KCNIP4: variants seen among roughly 807,000 people sequenced by gnomAD.
KCNIP4 encodes potassium voltage-gated channel interacting protein 4.
In KCNIP4, 12 loss-of-function variants were observed where a neutral mutation model predicts 34.0. The ratio of observed to expected loss-of-function variants is 0.35; its 90% CI spans 0.23 to 0.57. KCNIP4 has a LOEUF of 0.57. Among genes scored for constraint, KCNIP4 ranks in the 20% least tolerant of loss-of-function variants. The pLI, the probability that KCNIP4 is intolerant of heterozygous loss-of-function variation, is 0.83. For synonymous variants in KCNIP4, 124 were observed against 102.2 expected, an observed-to-expected ratio of 1.21 and a Z score of -1.29; for missense variants, 238 against 311.7, an observed-to-expected ratio of 0.76 and a Z score of 1.78.
intron 1 of KCNIP4, among the ~76,000 whole-genome samples, chr4:20,972,250 C>T (rs1735030538): frequency 2.0e-5 from 3 of 152,144 alleles, no homozygotes; most frequent in Admixed American, 1.3e-4. Flanking sequence ...TTCTTAATGG[C>T]ATACAGAATG....
chr4:20,871,842 A>G (rs1227540181), intron 2 of KCNIP4, among the ~76,000 whole-genome samples: 1 of 152,122 alleles, frequency 6.6e-6, no homozygotes, highest in Non-Finnish European at 1.5e-5. Context: ...TGATGTCACC[A>G]AGATGTGGCA....
intron 1 of KCNIP4, among the ~76,000 whole-genome samples, chr4:21,730,865 C>A (rs1216394577): frequency 6.6e-6 from 1 of 152,114 alleles, no homozygotes; most frequent in Non-Finnish European, 1.5e-5. Flanking sequence ...GTAATTCCAG[C>A]ACTTCGGGAG....
intron 1 of KCNIP4, among the ~76,000 whole-genome samples, chr4:21,049,780 C>T (rs979656758): frequency 6.6e-6 from 1 of 152,194 alleles, no homozygotes; most frequent in Admixed American, 6.5e-5. Context: ...ACACTCTTTA[C>T]CTTCCACTCC....
chr4:20,951,878 CTTTCT>C (rs893503824), intron 1 of KCNIP4, among the ~76,000 whole-genome samples: 7 of 152,120 alleles, frequency 4.6e-5, no homozygotes, highest in African/African-American at 1.4e-4. Context: ...GGCTGGCTTC[CTTTCT>C]TTTCTTTTCT....
At chr4:21,355,708 G>A (rs181623516) in intron 1 of KCNIP4, among the ~76,000 whole-genome samples, 26 of 152,178 alleles carry the variant, frequency 1.7e-4, no homozygotes, top group East Asian at 7.7e-4. Context: ...ATTCACAGCC[G>A]AAATCTACCA....
At chr4:21,316,892 A>C (rs1025021797) in intron 1 of KCNIP4, among the ~76,000 whole-genome samples, 4 of 152,198 alleles carry the variant, frequency 2.6e-5, no homozygotes, top group African/African-American at 9.7e-5. Flanking sequence ...TGATTGATAC[A>C]GGCTGCCAAA....
At chr4:21,804,153 G>A (rs894954869) in intron 1 of KCNIP4, among the ~76,000 whole-genome samples, 2 of 152,216 alleles carry the variant, frequency 1.3e-5, no homozygotes, top group Admixed American at 1.3e-4. Context: ...TGAAAAGCAA[G>A]GCCAATTCTA....
intron 1 of KCNIP4, among the ~76,000 whole-genome samples, chr4:21,381,681 C>T (rs1721520004): frequency 6.6e-6 from 1 of 152,110 alleles, no homozygotes; most frequent in Non-Finnish European, 1.5e-5. Context: ...CAAAGATTAC[C>T]TATTTATAAT....
chr4:21,687,436 CA>C (rs1750898424), intron 1 of KCNIP4, among the ~76,000 whole-genome samples: 1 of 151,972 alleles, frequency 6.6e-6, no homozygotes, highest in Non-Finnish European at 1.5e-5. Context: ...TGGTGTTGTT[CA>C]ATTTTGTAGC....
At chr4:21,553,819 T>G (rs1560511755) in intron 1 of KCNIP4, among the ~76,000 whole-genome samples, 1 of 152,098 alleles carries the variant, frequency 6.6e-6, no homozygotes, top group African/African-American at 2.4e-5. Flanking sequence ...TTTCCCTTCT[T>G]TAATGGAGAC....
intron 1 of KCNIP4, among the ~76,000 whole-genome samples, chr4:21,081,007 A>T (rs946698117): frequency 6.6e-6 from 1 of 151,926 alleles, no homozygotes; most frequent in South Asian, 2.1e-4. Context: ...CTAGATGTTC[A>T]ACTTTAATTT....
intron 1 of KCNIP4, among the ~76,000 whole-genome samples, chr4:21,033,993 T>C (rs1005992278): frequency 3.9e-5 from 6 of 152,200 alleles, no homozygotes; most frequent in Admixed American, 6.5e-5. Context: ...GCAAGTGTTA[T>C]ATACACATAA....
At chr4:21,504,475 AAAAGAAAGAAAG>A (rs71191514) in intron 1 of KCNIP4, among the ~76,000 whole-genome samples, 8 of 101,880 alleles carry the variant, frequency 7.9e-5, no homozygotes, top group Non-Finnish European at 1.4e-4. Flanking sequence ...CAAAAAAAAA[AAAAGAAAGAAAG>A]AAAGAAAGAA....
chr4:21,894,365 A>G (rs1008553579), intron 1 of KCNIP4, among the ~76,000 whole-genome samples: 2 of 151,950 alleles, frequency 1.3e-5, no homozygotes, highest in Admixed American at 1.3e-4. Context: ...AAATAAAACA[A>G]CGAAAAGCTA....
chr4:20,763,664 A>G (rs1755133269), intron 3 of KCNIP4, among the ~76,000 whole-genome samples: 1 of 152,174 alleles, frequency 6.6e-6, no homozygotes, highest in African/African-American at 2.4e-5. Context: ...GGCATGTTTG[A>G]AAGATACTCC....
Position 21,948,439 on chromosome 4 carries a change from G to T in KCNIP4, c.61+132C>A, listed in dbSNP as rs1394716007. ...GCTCCCACCTCCCCTTCCCAGTCCC[G>T]CCAGGTGACTGTGTCTCATGCAGCG... On this transcript the variant is annotated intron_variant, in intron 1 of 8. Coordinates refer to ENST00000382152, the MANE Select transcript of KCNIP4 (RefSeq NM_025221.6). The T allele has an allele frequency of 8.2e-6, 8 of 975,684 alleles. No homozygotes were observed. The East Asian group carries it at 1.2e-4, about 14-fold the overall frequency. 60.4% of individuals were successfully genotyped at this position (975,684 alleles called of 1,614,324 possible).
At chr4:21,355,005 C>A (rs1449515860) in intron 1 of KCNIP4, among the ~76,000 whole-genome samples, 1 of 152,150 alleles carries the variant, frequency 6.6e-6, no homozygotes, top group East Asian at 1.9e-4. Flanking sequence ...CACTCAAAAT[C>A]ACTCAACTAC....
chr4:21,157,549 G>A (rs975324932), intron 1 of KCNIP4, among the ~76,000 whole-genome samples: 14 of 151,992 alleles, frequency 9.2e-5, no homozygotes, highest in Admixed American at 7.2e-4. Flanking sequence ...TACCTGGAAT[G>A]AATGAGATGA....
At chr4:21,728,640 T>G (rs1463266490) in intron 1 of KCNIP4, among the ~76,000 whole-genome samples, 1 of 152,148 alleles carries the variant, frequency 6.6e-6, no homozygotes, top group Admixed American at 6.6e-5. Context: ...CACATCATTT[T>G]TTTCTCTGTT....
Sources: allele counts gnomAD v4.1 joint callset (sites outside exome capture counted in the v4.1 genomes callset), GRCh38; gene constraint gnomAD v4.1.1; transcripts MANE v1.5; gene names NCBI Gene and HGNC (gene_info 2026-07-23, HGNC 2026-07-21).